The following ALK variants were observed in gnomAD, a reference collection of about 807,000 sequenced individuals.
The protein encoded by ALK is ALK tyrosine kinase receptor.
ALK carries 74 observed loss-of-function variants against 163.1 expected under a neutral mutation model. The observed-to-expected ratio is 0.45, with a 90% CI of 0.38 to 0.55. The LOEUF is 0.55. Among genes scored for constraint, ALK ranks in the 20% least tolerant of loss-of-function variants. ALK has a pLI of 0.00. For synonymous variants in ALK, 960 were observed against 843.2 expected (o/e 1.14, Z -2.40); for missense variants, 2,063 against 2,105.3 (o/e 0.98, Z 0.39).
At position 29,223,544 on chromosome 2, in the gene ALK, C is replaced by T. The variant is rs2148171261; in HGVS notation, c.3173-16G>A. On this transcript the variant is annotated splice_polypyrimidine_tract_variant and intron_variant, in intron 19 of 28. Coordinates refer to ENST00000389048, the MANE Select transcript of ALK (RefSeq NM_004304.5). ...CGGCGGTACACTGCAGGTGGGTGGT[C>T]AGCTGCAACATGGCCTGGCAGCCTG... 6.2e-7 allele frequency: 1 copy of T among 1,612,116 alleles called. No individual in the cohort carries two copies. Among genetic ancestry groups the T allele is most frequent in the Non-Finnish European group, 8.5e-7 (1 of 1,179,826 alleles).
intron 28 of ALK, among the ~76,000 whole-genome samples, chr2:29,196,231 G>A (rs1433117061): frequency 2.6e-5 from 4 of 152,112 alleles, no homozygotes; most frequent in Admixed American, 6.5e-5. Context: ...AGGATAAAAC[G>A]AAATACGCAA....
At chr2:29,458,425 G>A (rs371657354) in intron 4 of ALK, among the ~76,000 whole-genome samples, 1 of 152,142 alleles carries the variant, frequency 6.6e-6, no homozygotes, top group Non-Finnish European at 1.5e-5. Flanking sequence ...TTTATCATCT[G>A]CACTTTCCAA....
intron 24 of ALK, among the ~76,000 whole-genome samples, chr2:29,211,160 A>G (rs1372656147): frequency 6.6e-6 from 1 of 152,218 alleles, no homozygotes; most frequent in African/African-American, 2.4e-5. Flanking sequence ...CTGAGGGTAC[A>G]AGAATAACGG....
Position 29,222,497 on chromosome 2 carries a change from A to C in ALK, c.3450+20T>G. ...GAGTCCGCAAGCCAAGGGCAGGCTC[A>C]AGAGTGAGCCACTTCTTACCTTCAC... On this transcript the variant is annotated intron_variant, in intron 21 of 28. Coordinates refer to ENST00000389048, the MANE Select transcript of ALK (RefSeq NM_004304.5). The C allele has an allele frequency of 6.2e-7, 1 of 1,614,090 alleles. No homozygotes were observed. Among genetic ancestry groups the C allele is most frequent in the Non-Finnish European group, 8.5e-7 (1 of 1,179,980 alleles).
At position 29,829,560 on chromosome 2, in the gene ALK, A is replaced by T. The variant is rs1182163281; in HGVS notation, c.667+90433T>A. ...GTGTATACTTTAGGCTTATCACAGGATATGTTCAGAGGACCAATTATTTAG... is the reference window on the plus strand; with the variant it reads ...GTGTATACTTTAGGCTTATCACAGGTTATGTTCAGAGGACCAATTATTTAG... On this transcript the variant is annotated intron_variant, in intron 1 of 28. Coordinates refer to ENST00000389048, the MANE Select transcript of ALK (RefSeq NM_004304.5). Among the ~76,000 whole-genome samples, 5 of 152,176 alleles carry T rather than the reference A, an allele frequency of 3.3e-5. No homozygotes were observed. The South Asian group carries it at 6.2e-4, about 19-fold the overall frequency.
At chr2:29,581,025 T>C (rs1340919189) in intron 3 of ALK, among the ~76,000 whole-genome samples, 2 of 152,162 alleles carry the variant, frequency 1.3e-5, no homozygotes, top group Non-Finnish European at 2.9e-5. Flanking sequence ...GGCCATACCA[T>C]GTGGTTCTGC....
chr2:29,786,855 A>C (rs1664041907), intron 1 of ALK, among the ~76,000 whole-genome samples: 1 of 152,102 alleles, frequency 6.6e-6, no homozygotes, highest in African/African-American at 2.4e-5. Flanking sequence ...GCAACAGCAC[A>C]ATCTTGACTC....
intron 1 of ALK, among the ~76,000 whole-genome samples, chr2:29,801,303 C>A (rs1240167466): frequency 6.6e-6 from 1 of 152,076 alleles, no homozygotes; most frequent in Non-Finnish European, 1.5e-5. Flanking sequence ...ATTTGAAAAA[C>A]ACATAGAATT....
chr2:29,387,013 A>C (rs1223720402), intron 4 of ALK, among the ~76,000 whole-genome samples: 6 of 152,178 alleles, frequency 3.9e-5, no homozygotes, highest in African/African-American at 1.4e-4. Flanking sequence ...GCAGAAGGGA[A>C]GGTTATGTTC....
At chr2:29,478,474 G>T (rs1671580986) in intron 4 of ALK, among the ~76,000 whole-genome samples, 1 of 152,192 alleles carries the variant, frequency 6.6e-6, no homozygotes, top group Non-Finnish European at 1.5e-5. Flanking sequence ...ACAGGCGGAG[G>T]ACTTGCCTCC....
chr2:29,811,873 C>G (rs1345463414), intron 1 of ALK, among the ~76,000 whole-genome samples: 1 of 152,160 alleles, frequency 6.6e-6, no homozygotes, highest in East Asian at 1.9e-4. Context: ...TCAAATGTCC[C>G]CCCAGGCTCT....
intron 3 of ALK, among the ~76,000 whole-genome samples, chr2:29,549,480 T>C (rs562700330): frequency 9.8e-5 from 15 of 152,324 alleles, no homozygotes; most frequent in African/African-American, 3.4e-4. Flanking sequence ...GTGTGTCTAA[T>C]AATGGCAGCC....
At chr2:29,599,905 A>G (rs1222568261) in intron 3 of ALK, among the ~76,000 whole-genome samples, 1 of 152,202 alleles carries the variant, frequency 6.6e-6, no homozygotes, top group East Asian at 1.9e-4. Context: ...CTGGGTCACC[A>G]TGCTCACTGG....
chr2:29,755,771 G>C (rs1485404338), intron 1 of ALK, among the ~76,000 whole-genome samples: 2 of 152,156 alleles, frequency 1.3e-5, no homozygotes. Flanking sequence ...GCTGACTCAA[G>C]GCTGTGCTGT....
chr2:29,423,158 C>T (rs550267418), intron 4 of ALK, among the ~76,000 whole-genome samples: 68 of 152,186 alleles, frequency 4.5e-4, no homozygotes, highest in Middle Eastern at 3.4e-3. Flanking sequence ...TTAGCTATAA[C>T]GGAACTAAGT....
At position 29,192,951 on chromosome 2, in the gene ALK, C is replaced by A; in HGVS notation, c.*273G>T. 1 of 489,098 alleles carries A rather than the reference C, an allele frequency of 2.0e-6. No individual in the cohort carries two copies. Among genetic ancestry groups the A allele is most frequent in the Non-Finnish European group, 3.7e-6 (1 of 267,388 alleles). The allele number at this position is 489,098 out of a possible 1,614,324, so 30.3% of individuals were successfully genotyped here. A position where few individuals can be genotyped will look rare whatever the true frequency, so the allele number is the denominator to read the frequency against. The stretch of plus-strand genomic sequence containing the variant: ...GAAAGAAGCATAAGGAAGTATACAA[C>A]AAACATGCATAAAAACCTTATGCAA... On this transcript the variant is annotated 3_prime_UTR_variant, in exon 29 of 29. Transcript: ENST00000389048.
chr2:29,602,955 T>A (rs1056515708), intron 3 of ALK, among the ~76,000 whole-genome samples: 1 of 152,200 alleles, frequency 6.6e-6, no homozygotes, highest in Non-Finnish European at 1.5e-5. Context: ...CATCAATCAA[T>A]ACACGTAAGA....
chr2:29,409,244 A>G, intron 4 of ALK, among the ~76,000 whole-genome samples: 1 of 152,272 alleles, frequency 6.6e-6, no homozygotes, highest in East Asian at 1.9e-4. Context: ...CTAGTAAGGG[A>G]AGAGAATAGG....
At chr2:29,566,785 T>C (rs755026908) in intron 3 of ALK, among the ~76,000 whole-genome samples, 2 of 152,134 alleles carry the variant, frequency 1.3e-5, no homozygotes, top group Non-Finnish European at 2.9e-5. Flanking sequence ...ATGCATATAA[T>C]GAGAATGGGA....
Sources: gnomAD v4.1 joint callset for allele counts (sites outside exome capture counted in the v4.1 genomes callset) on GRCh38, gnomAD v4.1.1 for gene constraint, MANE v1.5 for transcripts, NCBI Gene and HGNC (gene_info 2026-07-23, HGNC 2026-07-21) for gene names.